The following KCNIP1 variants were observed in gnomAD, a reference collection of about 807,000 sequenced individuals.
KCNIP1 encodes A-type potassium channel modulatory protein KCNIP1.
KCNIP1 carries 18 observed loss-of-function variants against 33.0 expected under a neutral mutation model. The ratio of observed to expected loss-of-function variants is 0.55; its 90% CI spans 0.38 to 0.81. KCNIP1 has a LOEUF of 0.81. Among genes scored for constraint, KCNIP1 ranks in the 30% least tolerant of loss-of-function variants. KCNIP1 has a pLI of 0.00. For missense variants in KCNIP1, 238 were observed against 271.6 expected (o/e 0.88, Z 0.87); for synonymous variants, 93 against 98.3 (o/e 0.95, Z 0.32).
chr5:170,510,858 A>T (rs1754908466), intron 1 of KCNIP1, among the ~76,000 whole-genome samples: 2 of 151,476 alleles, frequency 1.3e-5, no homozygotes, highest in Admixed American at 6.6e-5. Context: ...TTGGGATTGA[A>T]CTCCCTTTCA....
chr5:170,726,274 T>G (rs1764001268), intron 5 of KCNIP1, among the ~76,000 whole-genome samples: 1 of 152,190 alleles, frequency 6.6e-6, no homozygotes, highest in Non-Finnish European at 1.5e-5. Context: ...AAGGGACATT[T>G]ATAATTTAAT....
At chr5:170,699,891 G>C (rs760876046) in intron 1 of KCNIP1, among the ~76,000 whole-genome samples, 2 of 152,182 alleles carry the variant, frequency 1.3e-5, no homozygotes, top group African/African-American at 4.8e-5. Context: ...TGGCCCCACA[G>C]AGCCATCCTC....
chr5:170,726,959 A>AC (rs35623606), intron 5 of KCNIP1, among the ~76,000 whole-genome samples: 113,922 of 151,866 alleles, frequency 0.75, 42,824 homozygotes, highest in East Asian at 0.86. Context: ...CTGGATATTT[A>AC]CCCCCAAAAG....
intron 1 of KCNIP1, among the ~76,000 whole-genome samples, chr5:170,589,067 C>T (rs1322186095): frequency 4.1e-5 from 6 of 145,034 alleles, no homozygotes; most frequent in African/African-American, 1.5e-4. Flanking sequence ...GGCGCGATCT[C>T]GGCTCACTGC....
intron 1 of KCNIP1, among the ~76,000 whole-genome samples, chr5:170,356,783 C>A (rs6871311): frequency 0.18 from 28,010 of 152,134 alleles, 2,812 homozygotes; most frequent in East Asian, 0.38. Flanking sequence ...CACCGCACGG[C>A]ACAGACACCA....
At chr5:170,653,237 C>G (rs991397008) in intron 1 of KCNIP1, among the ~76,000 whole-genome samples, 19 of 152,140 alleles carry the variant, frequency 1.2e-4, no homozygotes, top group African/African-American at 4.3e-4. Context: ...TGCATCTTGC[C>G]AAGTGTCCAT....
intron 1 of KCNIP1, among the ~76,000 whole-genome samples, chr5:170,522,858 C>G (rs1448587967): frequency 1.3e-5 from 2 of 152,216 alleles, no homozygotes; most frequent in Non-Finnish European, 2.9e-5. Context: ...TTAGAGTTTT[C>G]CCTCTAAAGA....
intron 1 of KCNIP1, among the ~76,000 whole-genome samples, chr5:170,586,941 C>T (rs569869447): frequency 6.6e-6 from 1 of 152,318 alleles, no homozygotes; most frequent in South Asian, 2.1e-4. Flanking sequence ...TCTCTCTGTC[C>T]TCATGGAGCT....
At chr5:170,376,571 T>C (rs1764015418) in intron 1 of KCNIP1, 1 of 152,174 alleles carries the variant, frequency 6.6e-6, no homozygotes, top group Non-Finnish European at 1.5e-5. Context: ...TTTGTGTCCA[T>C]GTGTTTTCAT....
At chr5:170,638,889 A>C (rs546563676) in intron 1 of KCNIP1, among the ~76,000 whole-genome samples, 107 of 152,336 alleles carry the variant, frequency 7.0e-4, no homozygotes, top group African/African-American at 2.5e-3. Context: ...TGACCAGCAG[A>C]GGGCAGCAGC....
At chr5:170,615,429 C>G (rs549050418) in intron 1 of KCNIP1, among the ~76,000 whole-genome samples, 19 of 152,302 alleles carry the variant, frequency 1.2e-4, no homozygotes, top group African/African-American at 4.3e-4. Context: ...TTTTAATGGC[C>G]TGAGTTCAGT....
intron 1 of KCNIP1, among the ~76,000 whole-genome samples, chr5:170,362,470 A>C (rs978471269): frequency 6.6e-6 from 1 of 152,194 alleles, no homozygotes; most frequent in African/African-American, 2.4e-5. Context: ...AATTGAGGAG[A>C]ATGCCCTCTG....
chr5:170,663,882 A>G (rs1761594549), intron 1 of KCNIP1, among the ~76,000 whole-genome samples: 1 of 150,840 alleles, frequency 6.6e-6, no homozygotes, highest in Non-Finnish European at 1.5e-5. Context: ...CCCCTCCTCC[A>G]GCCCTGTGTA....
chr5:170,365,214 C>G (rs1763626391), intron 1 of KCNIP1, among the ~76,000 whole-genome samples: 1 of 152,132 alleles, frequency 6.6e-6, no homozygotes. Flanking sequence ...TGGGGAAGGC[C>G]ACCCAGCAAG....
At chr5:170,664,448 G>A (rs763109131) in intron 1 of KCNIP1, among the ~76,000 whole-genome samples, 121 of 152,198 alleles carry the variant, frequency 8.0e-4, no homozygotes, top group Middle Eastern at 3.4e-3. Flanking sequence ...AGATCTAGGA[G>A]GGTAGAGTCT....
rs571706697 is a variant in KCNIP1 at position 170,591,177 on chromosome 5, C to T, written c.61+86544C>T. On this transcript the variant is annotated intron_variant, in intron 1 of 7. Transcript: ENST00000328939. ...TCAGAGGTGTGTACATGTGCAAATG[C>T]GAACAATCCAGGCTCACTTCCTGCT... Among the ~76,000 whole-genome samples, 22 of 152,314 alleles carry T rather than the reference C, an allele frequency of 1.4e-4. No homozygotes were observed. In the South Asian group the frequency reaches 3.7e-3, roughly 26 times the overall value.
At chr5:170,414,867 C>T (rs1755286717) in intron 1 of KCNIP1, among the ~76,000 whole-genome samples, 1 of 152,194 alleles carries the variant, frequency 6.6e-6, no homozygotes, top group Non-Finnish European at 1.5e-5. Context: ...GCTTTTCCCA[C>T]TCTGTGGCTT....
chr5:170,633,462 G>A lies in KCNIP1; in HGVS notation c.62-85296G>A, dbSNP rs542597895. 4.0e-5 allele frequency among the ~76,000 whole-genome samples: 6 copies of A among 150,834 alleles called. No individual in the cohort carries two copies. The South Asian group carries it at 6.4e-4, about 16-fold the overall frequency. On this transcript the variant is annotated intron_variant, in intron 1 of 7. Coordinates refer to ENST00000328939, the MANE Select transcript of KCNIP1 (RefSeq NM_014592.4). ...GGATATGCAGATGTCTGGGAGGAGAGCTTTTCAGGAAGAAGAATCAGCCAG... is the reference window on the plus strand; with the variant it reads ...GGATATGCAGATGTCTGGGAGGAGAACTTTTCAGGAAGAAGAATCAGCCAG...
intron 1 of KCNIP1, among the ~76,000 whole-genome samples, chr5:170,355,682 G>A (rs1292447740): frequency 2.0e-5 from 3 of 152,220 alleles, no homozygotes; most frequent in Non-Finnish European, 2.9e-5. Context: ...GGAGGAAGCC[G>A]AAGCTGCCAG....
Sources: gnomAD v4.1 joint callset for allele counts (sites outside exome capture counted in the v4.1 genomes callset) on GRCh38, gnomAD v4.1.1 for gene constraint, MANE v1.5 for transcripts, NCBI Gene and HGNC (gene_info 2026-07-23, HGNC 2026-07-21) for gene names.